Variants in HTR2C observed in about 807,000 individuals in gnomAD.
HTR2C encodes 5-hydroxytryptamine (serotonin) receptor 2C, G protein-coupled.
Under a neutral mutation model 21.0 loss-of-function variants are expected in HTR2C, and 5 were observed. That is an observed-to-expected ratio of 0.24 (90% CI 0.12 to 0.50). The LOEUF is 0.50. HTR2C is among the 20% of genes least tolerant of loss of function. The probability of loss-of-function intolerance (pLI) is 0.98; values close to 1 mark genes in which losing one functional copy is unlikely to be tolerated. For synonymous variants in HTR2C, 150 were observed against 145.3 expected, an observed-to-expected ratio of 1.03 and a Z score of -0.23; for missense variants, 271 against 371.2, an observed-to-expected ratio of 0.73 and a Z score of 2.22.
At chrX:114,738,199 A>G (rs1264196011) in intron 4 of HTR2C, among the ~76,000 whole-genome samples, 1 of 110,886 alleles carries the variant, frequency 9.0e-6, no homozygotes, top group Non-Finnish European at 1.9e-5. Context: ...AATTCTGGAG[A>G]CCTATTATTG....
chrX:114,685,519 C>A (rs1206347470), intron 2 of HTR2C, among the ~76,000 whole-genome samples: 1 of 111,921 alleles, frequency 8.9e-6, no homozygotes, highest in Non-Finnish European at 1.9e-5. Context: ...TGTATGTTTA[C>A]ATGTGCTGAT....
intron 4 of HTR2C, among the ~76,000 whole-genome samples, chrX:114,809,487 G>A (rs1014292135): frequency 2.8e-5 from 3 of 108,098 alleles, no homozygotes; most frequent in Non-Finnish European, 3.8e-5. Context: ...GGGTTCAAGC[G>A]ATTCTCCTGC....
chrX:114,753,110 T>TG (rs1271234402), intron 4 of HTR2C, among the ~76,000 whole-genome samples: 1 of 34,958 alleles, frequency 2.9e-5, no homozygotes, highest in African/African-American at 5.9e-5. Flanking sequence ...GACTTCCCTG[T>TG]GGTTTTTTTT....
chrX:114,812,127 G>A (rs2070537948), intron 4 of HTR2C, among the ~76,000 whole-genome samples: 1 of 107,885 alleles, frequency 9.3e-6, no homozygotes, highest in South Asian at 4.2e-4. Flanking sequence ...GACCCAGTGT[G>A]TGTTTTTCCC....
At chrX:114,610,234 C>T (rs1928666031) in intron 1 of HTR2C, among the ~76,000 whole-genome samples, 1 of 111,546 alleles carries the variant, frequency 9.0e-6, no homozygotes, top group Non-Finnish European at 1.9e-5. Flanking sequence ...TGACTACTGG[C>T]ATTTTAATGC....
intron 5 of HTR2C, among the ~76,000 whole-genome samples, chrX:114,859,553 G>T (rs1202015252): frequency 9.1e-6 from 1 of 110,341 alleles, no homozygotes; most frequent in Admixed American, 9.7e-5. Context: ...TTCCTGTTTC[G>T]CCCAGAGAAT....
intron 4 of HTR2C, among the ~76,000 whole-genome samples, chrX:114,811,445 A>T: frequency 8.9e-6 from 1 of 112,248 alleles, no homozygotes; most frequent in East Asian, 2.8e-4. Flanking sequence ...TATAATGTTC[A>T]AAGAACATAT....
chrX:114,768,292 C>T lies in HTR2C; in HGVS notation c.349+36685C>T, dbSNP rs113270509. 9.1e-3 allele frequency among the ~76,000 whole-genome samples: 1,006 copies of T among 110,809 alleles called. 16 individuals carry two copies. The highest frequency in any genetic ancestry group is 0.031 in the African/African-American group (953 of 30,758). Reference sequence around the variant, plus strand: ...TTTTAACCTACAGTATCTCACTTAGCATCTGCTTCACAGGTATTTGTGAAT... The same window carrying T: ...TTTTAACCTACAGTATCTCACTTAGTATCTGCTTCACAGGTATTTGTGAAT... On this transcript the variant is annotated intron_variant, in intron 4 of 5. Transcript: ENST00000276198.
chrX:114,754,906 A>G (rs1556429454), intron 4 of HTR2C, among the ~76,000 whole-genome samples: 1 of 112,170 alleles, frequency 8.9e-6, no homozygotes, highest in African/African-American at 3.2e-5. Context: ...TTAGTTTCCT[A>G]TGTCTGCTGT....
intron 2 of HTR2C, among the ~76,000 whole-genome samples, chrX:114,626,670 T>C (rs1258537512): frequency 8.9e-6 from 1 of 112,400 alleles, no homozygotes; most frequent in Non-Finnish European, 1.9e-5. Context: ...TCAATATTCA[T>C]AGGTTTAGAG....
chrX:114,806,386 A>G (rs868936958), intron 4 of HTR2C, among the ~76,000 whole-genome samples: 1 of 79,767 alleles, frequency 1.3e-5, no homozygotes, highest in African/African-American at 4.5e-5. Flanking sequence ...CACACCATAT[A>G]TATATACTGT....
At chrX:114,737,126 A>G (rs782395000) in intron 4 of HTR2C, among the ~76,000 whole-genome samples, 1 of 111,127 alleles carries the variant, frequency 9.0e-6, no homozygotes, top group African/African-American at 3.3e-5. Context: ...AAAAAATAAT[A>G]AAGATAAGAG....
At chrX:114,849,838 CAAT>C (rs1202429494) in intron 5 of HTR2C, among the ~76,000 whole-genome samples, 1 of 111,762 alleles carries the variant, frequency 8.9e-6, no homozygotes, top group Non-Finnish European at 1.9e-5. Context: ...TTATTTCTTT[CAAT>C]AATTTTCAAA....
At position 114,727,805 on chromosome X, in the gene HTR2C, C is replaced by G. The variant is rs141686435; in HGVS notation, c.35+834C>G. On this transcript the variant is annotated intron_variant, in intron 3 of 5. Coordinates refer to ENST00000276198, the MANE Select transcript of HTR2C (RefSeq NM_000868.4). The stretch of plus-strand genomic sequence containing the variant: ...TGCAGTGTGCATCACTGTGGCCCAT[C>G]TTGAGTGTCATTGTTGTGATGATAG... Among the ~76,000 whole-genome samples, 682 of 111,589 alleles carry G rather than the reference C, an allele frequency of 6.1e-3. 5 individuals carry two copies. Among genetic ancestry groups the G allele is most frequent in the African/African-American group, 0.021 (645 of 30,711 alleles).
chrX:114,761,920 TGTATATATACATATATGTGTATATATAC>T (rs2069875826), intron 4 of HTR2C, among the ~76,000 whole-genome samples: 2 of 109,041 alleles, frequency 1.8e-5, no homozygotes, highest in African/African-American at 6.7e-5. Context: ...TATATATACG[TGTATATATACATATATGTGTATATATAC>T]GTGTATATAT....
At chrX:114,797,497 T>TTTTTTTTTTTTTTTTTTTTTTTTGAG (rs2070304523) in intron 4 of HTR2C, among the ~76,000 whole-genome samples, 1 of 111,734 alleles carries the variant, frequency 8.9e-6, no homozygotes, top group African/African-American at 3.3e-5. Flanking sequence ...CTTGAATTTC[T>TTTTTTTTTTTTTTTTTTTTTTTTGAG]AACCTATGCC....
intron 5 of HTR2C, among the ~76,000 whole-genome samples, chrX:114,855,294 G>T (rs2070950325): frequency 1.8e-5 from 2 of 110,880 alleles, no homozygotes; most frequent in Non-Finnish European, 1.9e-5. Flanking sequence ...ACTTCACATG[G>T]ATATTTTACC....
intron 5 of HTR2C, among the ~76,000 whole-genome samples, chrX:114,865,089 T>A (rs1042190931): frequency 9.1e-6 from 1 of 110,317 alleles, no homozygotes; most frequent in Non-Finnish European, 1.9e-5. Context: ...CCCTAATACT[T>A]CACTGTCCCT....
chrX:114,858,637 G>C (rs1556471896), intron 5 of HTR2C, among the ~76,000 whole-genome samples: 1 of 111,354 alleles, frequency 9.0e-6, no homozygotes, highest in Non-Finnish European at 1.9e-5. Flanking sequence ...TGTGAATGAC[G>C]ACAGATGTAT....
Sources: allele counts gnomAD v4.1 joint callset (sites outside exome capture counted in the v4.1 genomes callset), GRCh38; gene constraint gnomAD v4.1.1; transcripts MANE v1.5; gene names NCBI Gene and HGNC (gene_info 2026-07-23, HGNC 2026-07-21).